RUNX1: variants seen among roughly 807,000 people sequenced by gnomAD.
RUNX1 encodes the protein runt-related transcription factor 1.
RUNX1 carries 19 observed loss-of-function variants against 42.8 expected under a neutral mutation model. That is an observed-to-expected ratio of 0.44 (90% CI 0.31 to 0.65). The LOEUF (loss-of-function observed/expected upper bound fraction) is 0.65, where lower values mean the gene tolerates loss of function less well. Ranked by LOEUF, RUNX1 falls within the 30% of genes least tolerant of loss-of-function variation. The probability of loss-of-function intolerance (pLI) is 0.07; values close to 1 mark genes in which losing one functional copy is unlikely to be tolerated. For synonymous variants in RUNX1, 271 were observed against 289.4 expected (o/e 0.94, Z 0.64); for missense variants, 528 against 672.0 (o/e 0.79, Z 2.37).
intron 7 of RUNX1, among the ~76,000 whole-genome samples, chr21:34,806,059 AAAAG>A (rs1369370014): frequency 6.6e-6 from 1 of 152,006 alleles, no homozygotes. Context: ...AAAAGGTAGA[AAAAG>A]AGGTGTGGGG....
intron 2 of RUNX1, among the ~76,000 whole-genome samples, chr21:34,972,887 A>G (rs941116728): frequency 6.6e-6 from 1 of 152,150 alleles, no homozygotes; most frequent in African/African-American, 2.4e-5. Flanking sequence ...CTCCCTCAAC[A>G]TCTTGCTCTG....
At chr21:35,046,495 T>G (rs1212427733) in intron 2 of RUNX1, among the ~76,000 whole-genome samples, 1 of 152,170 alleles carries the variant, frequency 6.6e-6, no homozygotes, top group Non-Finnish European at 1.5e-5. Context: ...CAGCCAGAAG[T>G]GACCGCATTG....
At chr21:34,957,535 G>A (rs1306790381) in intron 2 of RUNX1, among the ~76,000 whole-genome samples, 3 of 152,098 alleles carry the variant, frequency 2.0e-5, no homozygotes, top group African/African-American at 4.8e-5. Flanking sequence ...CCACCTGGGT[G>A]CCATGAAAAA....
chr21:34,809,723 T>C (rs189565572), intron 7 of RUNX1, among the ~76,000 whole-genome samples: 53 of 152,232 alleles, frequency 3.5e-4, no homozygotes, highest in African/African-American at 1.2e-3. Context: ...GTGATATCTC[T>C]GGCTAAACAG....
rs1262198638 is a variant in RUNX1, at chr21:35,047,549, A to ACTCTCTCT, written c.58+1292_58+1293insAGAGAGAG. ...CACACACACACACACACACACACAC[A>ACTCTCTCT]CACACACACACACTCTCTCTCTCTC... On this transcript the variant is annotated intron_variant, in intron 2 of 8. Coordinates refer to ENST00000675419, the MANE Select transcript of RUNX1 (RefSeq NM_001754.5). 2.3e-3 allele frequency among the ~76,000 whole-genome samples: 246 copies of ACTCTCTCT among 107,460 alleles called. 4 individuals are homozygous for ACTCTCTCT. The highest frequency in any genetic ancestry group is 7.8e-3 in the East Asian group (27 of 3,444). The allele number at this position is 107,460 out of a possible 152,430, so 70.5% of individuals were successfully genotyped here.
intron 7 of RUNX1, among the ~76,000 whole-genome samples, chr21:34,804,742 CTTTT>C (rs58321227): frequency 1.5e-5 from 2 of 132,646 alleles, no homozygotes; most frequent in African/African-American, 2.8e-5. Flanking sequence ...GAGATGGAAA[CTTTT>C]TTTTTTTTTT....
intron 2 of RUNX1, among the ~76,000 whole-genome samples, chr21:35,004,566 G>A (rs1299056321): frequency 6.6e-6 from 1 of 152,146 alleles, no homozygotes; most frequent in African/African-American, 2.4e-5. Context: ...TAGAACCTGG[G>A]AACTTTGATC....
intron 7 of RUNX1, among the ~76,000 whole-genome samples, chr21:34,831,472 T>A (rs2057063223): frequency 6.6e-6 from 1 of 152,094 alleles, no homozygotes; most frequent in East Asian, 1.9e-4. Context: ...GCTGACAGAG[T>A]CAGAGGAGCT....
At chr21:34,895,923 A>C in intron 2 of RUNX1, among the ~76,000 whole-genome samples, 1 of 151,820 alleles carries the variant, frequency 6.6e-6, no homozygotes, top group East Asian at 1.9e-4. Flanking sequence ...AGAGATGAGG[A>C]GTGGGGAGCT....
At chr21:35,033,748 G>A (rs968158739) in intron 2 of RUNX1, among the ~76,000 whole-genome samples, 1 of 152,070 alleles carries the variant, frequency 6.6e-6, no homozygotes, top group Non-Finnish European at 1.5e-5. Flanking sequence ...TTATCTATAG[G>A]TCCTTGAAAT....
At position 34,815,142 on chromosome 21, in the gene RUNX1, G is replaced by A. The variant is rs559956195; in HGVS notation, c.806-15680C>T. 6.6e-5 allele frequency among the ~76,000 whole-genome samples: 10 copies of A among 152,224 alleles called. 1 individual carries two copies. The South Asian group carries it at 2.1e-3, about 32-fold the overall frequency. ...TACCTTCCCCTTGATTTGAACAAAA[G>A]AGGTTTCAGAGGAACAGAGGTGGAG... On this transcript the variant is annotated intron_variant, in intron 7 of 8. Coordinates refer to ENST00000675419, the MANE Select transcript of RUNX1 (RefSeq NM_001754.5).
chr21:34,948,408 CA>C (rs1217050147), intron 2 of RUNX1, among the ~76,000 whole-genome samples: 2 of 152,100 alleles, frequency 1.3e-5, no homozygotes, highest in East Asian at 3.9e-4. Context: ...TTTTCAGCCA[CA>C]AAAGTACTTT....
chr21:35,034,052 A>G (rs2059290407), intron 2 of RUNX1, among the ~76,000 whole-genome samples: 1 of 152,186 alleles, frequency 6.6e-6, no homozygotes, highest in East Asian at 1.9e-4. Flanking sequence ...CCCTCTCTAG[A>G]AGGCCTTCTC....
intron 2 of RUNX1, among the ~76,000 whole-genome samples, chr21:34,940,326 G>T (rs2058517523): frequency 6.6e-6 from 1 of 152,128 alleles, no homozygotes; most frequent in South Asian, 2.1e-4. Flanking sequence ...CTCCCAAGTG[G>T]TACACAGCCA....
chr21:35,036,056 A>G (rs1215860383), intron 2 of RUNX1, among the ~76,000 whole-genome samples: 5 of 152,186 alleles, frequency 3.3e-5, no homozygotes, highest in Non-Finnish European at 7.4e-5. Flanking sequence ...AGTGGAGGCC[A>G]TTATCCCTGA....
chr21:35,047,295 G>A (rs2059402755), intron 2 of RUNX1, among the ~76,000 whole-genome samples: 1 of 151,926 alleles, frequency 6.6e-6, no homozygotes, highest in South Asian at 2.1e-4. Flanking sequence ...TGCAGCCAGG[G>A]AGCCGTTTGC....
chr21:34,851,712 C>T (rs570539919), intron 6 of RUNX1, among the ~76,000 whole-genome samples: 17 of 152,258 alleles, frequency 1.1e-4, no homozygotes, highest in South Asian at 6.2e-4. Flanking sequence ...AGGGTCCAGA[C>T]GGAAAGAGAA....
chr21:34,951,466 T>C (rs1453919040), intron 2 of RUNX1, among the ~76,000 whole-genome samples: 2 of 152,202 alleles, frequency 1.3e-5, no homozygotes, highest in East Asian at 1.9e-4. Flanking sequence ...GAGAAAATTT[T>C]TGCAATCTAT....
chr21:34,884,583 C>T (rs1051679651), intron 4 of RUNX1, among the ~76,000 whole-genome samples: 1 of 152,216 alleles, frequency 6.6e-6, no homozygotes, highest in East Asian at 1.9e-4. Flanking sequence ...CAGGGACACA[C>T]ACTAAATGAG....
Sources: allele counts gnomAD v4.1 joint callset (sites outside exome capture counted in the v4.1 genomes callset), GRCh38; gene constraint gnomAD v4.1.1; transcripts MANE v1.5; gene names NCBI Gene and HGNC (gene_info 2026-07-23, HGNC 2026-07-21).